The following ALOX12B variants were observed in gnomAD, a reference collection of about 807,000 sequenced individuals.
ALOX12B encodes the protein arachidonate 12-lipoxygenase, 12R type.
A neutral mutation model predicts 78.9 loss-of-function variants in ALOX12B; 47 were observed. The ratio of observed to expected loss-of-function variants is 0.60; its 90% CI spans 0.47 to 0.76. The LOEUF (loss-of-function observed/expected upper bound fraction) is 0.76, where lower values mean the gene tolerates loss of function less well. Among genes scored for constraint, ALOX12B ranks in the 30% least tolerant of loss-of-function variants. The pLI, the probability that ALOX12B is intolerant of heterozygous loss-of-function variation, is 0.00. For synonymous variants in ALOX12B, 370 were observed against 374.5 expected, an observed-to-expected ratio of 0.99 and a Z score of 0.14; for missense variants, 805 against 922.6, an observed-to-expected ratio of 0.87 and a Z score of 1.65.
rs397514530 is a variant in ALOX12B at position 8,081,130 on chromosome 17, A to T, written c.410T>A (p.Ile137Asn). 6.2e-7 allele frequency: 1 copy of T among 1,613,382 alleles called. No homozygotes were observed. Among genetic ancestry groups the T allele is most frequent in the Admixed American group, 1.7e-5 (1 of 59,984 alleles). ...CTGGTAGAAGTCCTGCTTGGCTCTGATCTCCTCTTTTCTGTGCTCCAGGAG... is the reference window on the plus strand; with the variant it reads ...CTGGTAGAAGTCCTGCTTGGCTCTGTTCTCCTCTTTTCTGTGCTCCAGGAG... ...PVLLEHRKEE[I>N]RAKQDFYHWR... Residue 137 changes from isoleucine to asparagine, a missense_variant, in exon 3 of 15, where the codon ATC becomes AAC. Coordinates refer to ENST00000647874, the MANE Select transcript of ALOX12B (RefSeq NM_001139.3).
In ALOX12B at chr17:8,073,599, A is replaced by T. The variant is rs78835850; in HGVS notation, c.1755+58T>A. ...GGCTGGGTTTGAGGTTGGGGCATGGACGAAATTTAGAAGGTCTGAGCCTCG... is the reference window on the plus strand; with the variant it reads ...GGCTGGGTTTGAGGTTGGGGCATGGTCGAAATTTAGAAGGTCTGAGCCTCG... On this transcript the variant is annotated intron_variant, in intron 13 of 14. Coordinates refer to ENST00000647874, the MANE Select transcript of ALOX12B (RefSeq NM_001139.3). The T allele has an allele frequency of 0.065, 99,141 of 1,514,588 alleles. 3,716 individuals carry two copies. The highest frequency in any genetic ancestry group is 0.14 in the East Asian group (6,164 of 44,104). 93.8% of individuals were successfully genotyped at this position (1,514,588 alleles called of 1,614,324 possible).
In ALOX12B at chr17:8,080,671, G is replaced by C. The variant is rs1188803742; in HGVS notation, c.637C>G (p.Arg213Gly). 3.7e-6 allele frequency: 6 copies of C among 1,614,090 alleles called. No individual in the cohort carries two copies. The highest frequency in any genetic ancestry group is 5.1e-6 in the Non-Finnish European group (6 of 1,180,014). The change falls in exon 5 of 15, where the codon CGC (arginine) becomes GGC (glycine). Residue 213 changes from arginine to glycine, a missense_variant. Arg to Gly is a moderately radical substitution (Grantham distance 125). Transcript: ENST00000647874. This position sits in a 1 kb window ranked among gnomAD's most constrained non-coding sequence, Gnocchi z 4.8. ...SFLKTASFFV[R>G]LGPMALAFKV... ...ACACGGACTCACATGGGCCCCAGGCGGACGAAGAAGGAGGCCGTCTTGAGG... is the reference window on the plus strand; with the variant it reads ...ACACGGACTCACATGGGCCCCAGGCCGACGAAGAAGGAGGCCGTCTTGAGG...
intron 12 of ALOX12B, among the ~76,000 whole-genome samples, chr17:8,074,257 C>G (rs1259069968): frequency 6.6e-6 from 1 of 152,150 alleles, no homozygotes; most frequent in African/African-American, 2.4e-5. Flanking sequence ...CCCGTGTGAA[C>G]CTCAGGTTGC....
At position 8,075,693 on chromosome 17, in the gene ALOX12B, T is replaced by C. The variant is rs758813905; in HGVS notation, c.1556A>G (p.Tyr519Cys). The change falls in exon 12 of 15, where the codon TAT becomes TGT. Residue 519 changes from tyrosine (Y) to cysteine (C), a missense_variant. Physicochemically the swap from Tyr to Cys is radical, Grantham distance 194. Coordinates refer to ENST00000647874, the MANE Select transcript of ALOX12B (RefSeq NM_001139.3). ...CACGGCTGCGTCACTCGGGTAATAA[T>C]AGGTGATGATCTCCGTCACATACCT... ...LEKYVTEIIT[Y>C]YYPSDAAVEG... is the part of the protein sequence containing the mutation. 14 of 1,614,154 alleles carry C rather than the reference T, an allele frequency of 8.7e-6. No individual in the cohort carries two copies. In the Admixed American group the frequency reaches 2.0e-4, roughly 23 times the overall value.
At chr17:8,081,273 G>C (rs1977212654) in intron 2 of ALOX12B, 86 bp from the exon 3 acceptor site, 8 of 1,402,328 alleles carry the variant, frequency 5.7e-6, no homozygotes, top group African/African-American at 1.4e-5. Flanking sequence ...CTGTGCCCCA[G>C]GTCGTCTCTG....
chr17:8,077,862 C>A (rs1977120293), intron 8 of ALOX12B, among the ~76,000 whole-genome samples: 1 of 152,210 alleles, frequency 6.6e-6, no homozygotes, highest in African/African-American at 2.4e-5. Flanking sequence ...TATACATGCA[C>A]ACACTCACAG....
At position 8,072,905 on chromosome 17, in the gene ALOX12B, G is replaced by A. The variant is rs773297344; in HGVS notation, c.1972C>T (p.Pro658Ser). ...CGGAACGCCTCTATGCTCCTCCGCG[G>A]GGCCTCCTCCACGAAGTGAATGTCC... Reference protein sequence around the residue: ...FPDIHFVEEAPRRSIEAFRQR... With the variant: ...FPDIHFVEEASRRSIEAFRQR... Residue 658 changes from proline (P) to serine (S), a missense_variant, in exon 15 of 15, where the codon CCG (proline) becomes TCG (serine). Coordinates refer to ENST00000647874, the MANE Select transcript of ALOX12B (RefSeq NM_001139.3). 2.5e-6 allele frequency: 4 copies of A among 1,613,910 alleles called. No individual in the cohort carries two copies. The African/African-American group carries it at 4.0e-5, about 16-fold the overall frequency.
In ALOX12B at chr17:8,079,619, T is replaced by G; in HGVS notation, c.928-80A>C. On this transcript the variant is annotated intron_variant, in intron 7 of 14. Coordinates refer to ENST00000647874, the MANE Select transcript of ALOX12B (RefSeq NM_001139.3). This position sits in a 1 kb window ranked among gnomAD's most constrained non-coding sequence, Gnocchi z 6.4. ...CCCGCGCCGCAGGTGCACAGGGCGC[T>G]GGCGACTAGGGGCAGGGGTGGGACG... The G allele has an allele frequency of 6.6e-7, 1 of 1,511,988 alleles. No individual in the cohort carries two copies. The highest frequency in any genetic ancestry group is 8.9e-7 in the Non-Finnish European group (1 of 1,120,302). The allele number at this position is 1,511,988 out of a possible 1,614,324, so 93.7% of individuals were successfully genotyped here. A position where few individuals can be genotyped will look rare whatever the true frequency, so the allele number is the denominator to read the frequency against.
In ALOX12B at chr17:8,080,944, T is replaced by C. The variant is rs558784979; in HGVS notation, c.467A>G (p.Tyr156Cys). The C allele has an allele frequency of 2.5e-6, 4 of 1,613,674 alleles. No individual in the cohort carries two copies. The highest frequency in any genetic ancestry group is 2.2e-5 in the East Asian group (1 of 44,856). Residue 156 changes from tyrosine (Y) to cysteine (C), a missense_variant, in exon 4 of 15, where the codon TAT becomes TGT. By Grantham distance (194) the Tyr-to-Cys change is radical. Coordinates refer to ENST00000647874, the MANE Select transcript of ALOX12B (RefSeq NM_001139.3). This position sits in a 1 kb window ranked among gnomAD's most constrained non-coding sequence, Gnocchi z 4.8. ...WRVFLPGLPS[Y>C]VHIPSYRPPV... ...AGGGCGGTAACTGGGAATGTGCACA[T>C]AGCTGGGCAGGCCAGGAAGAAAGAC...
Position 8,076,015 on chromosome 17 carries a change from G to A in ALOX12B, c.1532+160C>T, listed in dbSNP as rs143620504. Among the ~76,000 whole-genome samples, 3 of 152,118 alleles carry A rather than the reference G, an allele frequency of 2.0e-5. No individual in the cohort carries two copies. The East Asian group carries it at 5.8e-4, about 30-fold the overall frequency. ...CAAGGAAGGGGCCTGCTGGGCTGAG[G>A]GTGTAGGTGTGATGGACACACAGAC... is the stretch of plus-strand genomic sequence containing the variant. On this transcript the variant is annotated intron_variant, in intron 11 of 14. Transcript: ENST00000647874.
In ALOX12B at chr17:8,079,326, C is replaced by A. The variant is rs1452383765; in HGVS notation, c.1071+70G>T. ...ATGCAGGTCCACACGCTCACATAAG[C>A]GCGCGCACACTCGGAGGAGCATTCG... On this transcript the variant is annotated intron_variant, in intron 8 of 14. Transcript: ENST00000647874. The surrounding 1 kb of genome is among the most constrained non-coding windows in gnomAD (Gnocchi z 6.4). 1.9e-6 allele frequency: 3 copies of A among 1,539,270 alleles called. No individual in the cohort carries two copies. Among genetic ancestry groups the A allele is most frequent in the East Asian group, 4.9e-5 (2 of 40,768 alleles).
chr17:8,076,784 TG>T (rs1567981741), intron 9 of ALOX12B, 41 bp from the exon 10 acceptor site: 2 of 1,538,878 alleles, frequency 1.3e-6, no homozygotes, highest in South Asian at 2.4e-5. Flanking sequence ...AGGGCTGAAG[TG>T]GCCCCCAAAG....
chr17:8,079,581 G>A lies in ALOX12B; in HGVS notation c.928-42C>T, dbSNP rs771244052. The A allele has an allele frequency of 1.9e-6, 3 of 1,547,916 alleles. No homozygotes were observed. Among genetic ancestry groups the A allele is most frequent in the African/African-American group, 1.4e-5 (1 of 73,024 alleles). On this transcript the variant is annotated intron_variant, in intron 7 of 14. Transcript: ENST00000647874. The surrounding 1 kb of genome is among the most constrained non-coding windows in gnomAD (Gnocchi z 6.4). Reference sequence around the variant, plus strand: ...ATGGGTGGCAAGTAGGCACCCACACGGGAAGCCCGTGACCCGCGCCGCAGG... The same window carrying A: ...ATGGGTGGCAAGTAGGCACCCACACAGGAAGCCCGTGACCCGCGCCGCAGG...
At position 8,079,696 on chromosome 17, in the gene ALOX12B, G is replaced by C; in HGVS notation, c.927+73C>G. On this transcript the variant is annotated intron_variant, in intron 7 of 14. Transcript: ENST00000647874. The surrounding 1 kb of genome is among the most constrained non-coding windows in gnomAD (Gnocchi z 6.4). ...GCCTGGGACTGGCGCGGGCGCCGGA[G>C]GTGGGGAGAGACGGGGATGCCCGCG... 1 of 1,559,108 alleles carries C rather than the reference G, an allele frequency of 6.4e-7. No individual in the cohort carries two copies.
chr17:8,076,446 C>T lies in ALOX12B; in HGVS notation c.1363-102G>A, dbSNP rs890861821. On this transcript the variant is annotated intron_variant, in intron 10 of 14. Transcript: ENST00000647874. ...GTGCCCCTGTAACCCCTGACCCAGC[C>T]CACCCCACCTCCAGGAACAATCCTG... 8 of 1,416,850 alleles carry T rather than the reference C, an allele frequency of 5.6e-6. No homozygotes were observed. In the African/African-American group the frequency reaches 5.7e-5, roughly 10 times the overall value. The allele number at this position is 1,416,850 out of a possible 1,614,324, so 87.8% of individuals were successfully genotyped here.
At position 8,087,375 on chromosome 17, in the gene ALOX12B, G is replaced by T; in HGVS notation, c.68C>A (p.Ser23Ter). ...DLLSGTRDSI[S>*]LTIVGTQGES... Reference sequence around the variant, plus strand: ...TCCTTGTGTCCCCACAATGGTCAGTGAGATGGAGTCCCGTGTTCCCGACAA... The same window carrying T: ...TCCTTGTGTCCCCACAATGGTCAGTTAGATGGAGTCCCGTGTTCCCGACAA... The change falls in exon 1 of 15, where the codon TCA becomes TAA. Residue 23 changes from serine to a stop codon, truncating the protein, a stop_gained. Transcript: ENST00000647874. LOFTEE classifies it high-confidence loss of function. 2 of 1,614,248 alleles carry T rather than the reference G, an allele frequency of 1.2e-6. No individual in the cohort carries two copies. The highest frequency in any genetic ancestry group is 2.2e-5 in the South Asian group (2 of 91,088).
Position 8,080,229 on chromosome 17 carries a change from C to G in ALOX12B, c.754+6G>C. The G allele has an allele frequency of 6.2e-7, 1 of 1,613,776 alleles. No individual in the cohort carries two copies. Among genetic ancestry groups the G allele is most frequent in the Non-Finnish European group, 8.5e-7 (1 of 1,179,618 alleles). The stretch of plus-strand genomic sequence containing the variant: ...CCTGCTCGATCCGGGACGCCCCATT[C>G]CATACCGGAGACGACAGATTTCTTG... On this transcript the variant is annotated splice_donor_region_variant and intron_variant, in intron 6 of 14. Coordinates refer to ENST00000647874, the MANE Select transcript of ALOX12B (RefSeq NM_001139.3). The surrounding 1 kb of genome is among the most constrained non-coding windows in gnomAD (Gnocchi z 4.8).
rs373335212 is a variant in ALOX12B, at chr17:8,075,543, G to T, written c.1654+52C>A. On this transcript the variant is annotated intron_variant, in intron 12 of 14. Coordinates refer to ENST00000647874, the MANE Select transcript of ALOX12B (RefSeq NM_001139.3). ...AGGGCCCTAGCAGACCTGCCTGGGG[G>T]CTGCCCCTCAGTCCCAGCTCCCCCT... The T allele has an allele frequency of 2.0e-5, 32 of 1,612,338 alleles. No homozygotes were observed. In the African/African-American group the frequency reaches 3.7e-4, roughly 19 times the overall value.
intron 1 of ALOX12B, 53 bp from the exon 2 acceptor site, chr17:8,086,273 G>A: frequency 6.3e-7 from 1 of 1,578,612 alleles, no homozygotes; most frequent in South Asian, 1.1e-5. Context: ...CCGGCTCCCA[G>A]GCCGCCCACC....
Sources: gnomAD v4.1 joint callset for allele counts (sites outside exome capture counted in the v4.1 genomes callset) on GRCh38, gnomAD v4.1.1 for gene constraint, Gnocchi (gnomAD v3.1) non-coding constraint, MANE v1.5 for transcripts, NCBI Gene and HGNC (gene_info 2026-07-23, HGNC 2026-07-21) for gene names.